SHANK2: variants seen among roughly 807,000 people sequenced by gnomAD.
SHANK2 encodes the protein SH3 and multiple ankyrin repeat domains 2.
A neutral mutation model predicts 133.7 loss-of-function variants in SHANK2; 43 were observed. The observed-to-expected ratio is 0.32, with a 90% CI of 0.25 to 0.41. The LOEUF is 0.41. Among genes scored for constraint, SHANK2 ranks in the 10% least tolerant of loss-of-function variants. The probability of loss-of-function intolerance (pLI) is 1.00; values close to 1 mark genes in which losing one functional copy is unlikely to be tolerated. For synonymous variants in SHANK2, 1,017 were observed against 952.8 expected (o/e 1.07, Z -1.24); for missense variants, 1,994 against 2,235.8 (o/e 0.89, Z 2.18).
chr11:70,894,794 G>A (rs775857291), intron 11 of SHANK2, among the ~76,000 whole-genome samples: 33 of 152,262 alleles, frequency 2.2e-4, no homozygotes, highest in African/African-American at 7.7e-4. Flanking sequence ...CGTCATGGGC[G>A]GGACCTGTGC....
chr11:71,115,671 C>G (rs781849022), intron 4 of SHANK2, among the ~76,000 whole-genome samples: 1 of 152,076 alleles, frequency 6.6e-6, no homozygotes, highest in Non-Finnish European at 1.5e-5. Context: ...AATGGGAATC[C>G]GGGGCTGAGA....
At chr11:70,785,890 A>G (rs533835298) in intron 14 of SHANK2, among the ~76,000 whole-genome samples, 43 of 151,856 alleles carry the variant, frequency 2.8e-4, no homozygotes, top group African/African-American at 6.3e-4. Context: ...CGCTTCAGGG[A>G]CTCTTTGGTT....
At chr11:70,483,956 C>T (rs558170611) in intron 25 of SHANK2, among the ~76,000 whole-genome samples, 1 of 152,296 alleles carries the variant, frequency 6.6e-6, no homozygotes, top group Admixed American at 6.5e-5. Context: ...TCTTGAGCCC[C>T]AGCTGTATGT....
Position 70,485,337 on chromosome 11 carries a change from G to A in SHANK2, c.4956C>T (p.Ala1652=), listed in dbSNP as rs1555152690. 1.2e-6 allele frequency: 2 copies of A among 1,613,728 alleles called. No individual in the cohort carries two copies. Among genetic ancestry groups the A allele is most frequent in the Non-Finnish European group, 1.7e-6 (2 of 1,180,040 alleles). ...ACCTTGGAGCGAGGCTGGCGGACTT[G>A]GCTCCCATTGGTGAATCCAGTCCTT... ...PGEGLDSPMG[A]KSASLAPRSP... The change falls in exon 25 of 26, where the codon GCC becomes GCT. Residue 1652 remains alanine (A), a synonymous_variant. Coordinates refer to ENST00000601538, the MANE Select transcript of SHANK2 (RefSeq NM_012309.5). The surrounding 1 kb of genome is among the most constrained non-coding windows in gnomAD (Gnocchi z 5.8).
At chr11:70,782,661 T>C (rs1947529650) in intron 14 of SHANK2, among the ~76,000 whole-genome samples, 1 of 152,202 alleles carries the variant, frequency 6.6e-6, no homozygotes, top group South Asian at 2.1e-4. Context: ...ATACAAGGAC[T>C]GACCACAAAT....
intron 17 of SHANK2, among the ~76,000 whole-genome samples, chr11:70,527,421 G>T (rs1447374901): frequency 6.6e-6 from 1 of 152,212 alleles, no homozygotes; most frequent in Non-Finnish European, 1.5e-5. Flanking sequence ...TTCCCAGTGG[G>T]CCCTGGGGAA....
rs1443821290 is a variant in SHANK2 at position 70,882,814 on chromosome 11, T to C, written c.1174+13687A>G. 6.6e-6 allele frequency among the ~76,000 whole-genome samples: 1 copy of C among 152,186 alleles called. No homozygotes were observed. Among genetic ancestry groups the C allele is most frequent in the African/African-American group, 2.4e-5 (1 of 41,448 alleles). ...CTGCGAGCACAGGAAGCCAAGCGGC[T>C]GGCCTGGTCCTCCAGGAGGGCAGAA... On this transcript the variant is annotated intron_variant, in intron 11 of 25. Transcript: ENST00000601538. The surrounding 1 kb of genome is among the most constrained non-coding windows in gnomAD (Gnocchi z 4.2).
chr11:70,483,536 C>CAAA (rs10590898), intron 25 of SHANK2, among the ~76,000 whole-genome samples: 13 of 44,536 alleles, frequency 2.9e-4, no homozygotes, highest in African/African-American at 1.1e-3. Flanking sequence ...TCATCTCTAC[C>CAAA]AAAAAAAAAA....
intron 11 of SHANK2, among the ~76,000 whole-genome samples, chr11:70,883,579 G>C (rs1344934229): frequency 6.6e-6 from 1 of 152,198 alleles, no homozygotes; most frequent in Non-Finnish European, 1.5e-5. Flanking sequence ...GGCTGGGAAA[G>C]GGGGCAGAGG....
intron 12 of SHANK2, among the ~76,000 whole-genome samples, chr11:70,811,277 C>A (rs1208795912): frequency 6.6e-6 from 1 of 152,198 alleles, no homozygotes; most frequent in Non-Finnish European, 1.5e-5. Flanking sequence ...GTGTCTGACA[C>A]AGCAGCTGCT....
At chr11:70,568,777 T>C (rs942666910) in intron 17 of SHANK2, among the ~76,000 whole-genome samples, 12 of 151,966 alleles carry the variant, frequency 7.9e-5, no homozygotes, top group Admixed American at 1.3e-4. Flanking sequence ...TTCTGCAAGA[T>C]AAACCACCCT....
rs149209999 is a variant in SHANK2, at chr11:70,548,634, C to T, written c.2062-45703G>A. On this transcript the variant is annotated intron_variant, in intron 17 of 25. Transcript: ENST00000601538. The stretch of plus-strand genomic sequence containing the variant: ...GTGGTCTATGGGAGAGGCTGCCCTG[C>T]GCAAGTGCTGAACCCTGGCTGTTGG... Among the ~76,000 whole-genome samples the T allele has an allele frequency of 1.6e-3, 237 of 152,298 alleles. 1 individual carries two copies. The highest frequency in any genetic ancestry group is 5.2e-3 in the African/African-American group (218 of 41,548).
At chr11:71,174,678 C>CA (rs57374627) in intron 2 of SHANK2, 13,467 of 97,928 alleles carry the variant, frequency 0.14, 1,474 homozygotes, top group East Asian at 0.38. Context: ...GACTCTGTCT[C>CA]AAAAAAAAAA....
At position 70,485,960 on chromosome 11, in the gene SHANK2, T is replaced by C. The variant is rs1591487165; in HGVS notation, c.4333A>G (p.Thr1445Ala). The C allele has an allele frequency of 6.2e-7, 1 of 1,613,810 alleles. No individual in the cohort carries two copies. The highest frequency in any genetic ancestry group is 8.5e-7 in the Non-Finnish European group (1 of 1,179,974). The change falls in exon 25 of 26, where the codon ACC becomes GCC. Residue 1445 changes from threonine to alanine, a missense_variant. Physicochemically the swap from Thr to Ala is moderately conservative, Grantham distance 58 (BLOSUM62 0). Around this residue, in one of 5 missense-constraint regions of SHANK2, gnomAD observed 797 missense variants for 907.4 expected, o/e 0.88. Transcript: ENST00000601538. This position sits in a 1 kb window ranked among gnomAD's most constrained non-coding sequence, Gnocchi z 5.8. ...SDLVKQKKSD[T>A]PQSPSLNSSQ... ...GAGTTCAACGAAGGGGACTGAGGGG[T>C]GTCGCTTTTCTTCTGCTTCACTAAG...
At chr11:70,662,464 G>A (rs79824186) in intron 15 of SHANK2, among the ~76,000 whole-genome samples, 1 of 152,204 alleles carries the variant, frequency 6.6e-6, no homozygotes, top group Non-Finnish European at 1.5e-5. Context: ...CCCCCCTCCA[G>A]CGTCCCCCCG....
chr11:70,788,146 A>G (rs893555714), intron 14 of SHANK2, among the ~76,000 whole-genome samples: 1 of 152,154 alleles, frequency 6.6e-6, no homozygotes. Flanking sequence ...AAGCTGACCT[A>G]GTGTTGAACT....
intron 3 of SHANK2, among the ~76,000 whole-genome samples, chr11:71,131,873 C>A (rs4945026): frequency 0.69 from 104,805 of 152,084 alleles, 36,304 homozygotes; most frequent in South Asian, 0.73. Context: ...TCCGGGAGGC[C>A]GCATTAGCAC....
In SHANK2 at chr11:70,621,061, C is replaced by A. The variant is rs578126948; in HGVS notation, c.2061+38767G>T. Reference sequence around the variant, plus strand: ...TGGGGATGGATGGTAACAGCACCTGCCTCAAAGGCTGTGGGGGCTGAAATG... The same window carrying A: ...TGGGGATGGATGGTAACAGCACCTGACTCAAAGGCTGTGGGGGCTGAAATG... On this transcript the variant is annotated intron_variant, in intron 17 of 25. Coordinates refer to ENST00000601538, the MANE Select transcript of SHANK2 (RefSeq NM_012309.5). Among the ~76,000 whole-genome samples, 6 of 152,342 alleles carry A rather than the reference C, an allele frequency of 3.9e-5. No individual in the cohort carries two copies. The South Asian group carries it at 1.0e-3, about 26-fold the overall frequency.
In SHANK2 at chr11:70,686,366, C is replaced by T. The variant is rs1803029189; in HGVS notation, c.1853+12322G>A. ...CCACCCATTCACACACCCATCCAGC[C>T]CCTCATCTATTCATCCATCCATCCA... On this transcript the variant is annotated intron_variant, in intron 15 of 25. Coordinates refer to ENST00000601538, the MANE Select transcript of SHANK2 (RefSeq NM_012309.5). 2.0e-5 allele frequency among the ~76,000 whole-genome samples: 3 copies of T among 150,164 alleles called. No homozygotes were observed. In the South Asian group the frequency reaches 6.4e-4, roughly 32 times the overall value.
Sources: allele counts gnomAD v4.1 joint callset (sites outside exome capture counted in the v4.1 genomes callset), GRCh38; gene constraint gnomAD v4.1.1; regional missense constraint gnomAD v4.1.1; non-coding constraint Gnocchi (gnomAD v3.1); transcripts MANE v1.5; gene names NCBI Gene and HGNC (gene_info 2026-07-23, HGNC 2026-07-21).